DACH1: variants seen among roughly 807,000 people sequenced by gnomAD.
The protein encoded by DACH1 is dachshund family transcription factor 1.
DACH1 carries 12 observed loss-of-function variants against 54.2 expected under a neutral mutation model. That is an observed-to-expected ratio of 0.22 (90% confidence interval 0.14 to 0.36). DACH1 has a LOEUF of 0.36. Ranked by LOEUF, DACH1 falls within the 10% of genes least tolerant of loss-of-function variation. The pLI is 1.00. For synonymous variants in DACH1, 386 were observed against 366.2 expected, an observed-to-expected ratio of 1.05 and a Z score of -0.62; for missense variants, 805 against 929.8, an observed-to-expected ratio of 0.87 and a Z score of 1.75.
At chr13:71,763,169 G>T (rs1885475146) in intron 1 of DACH1, among the ~76,000 whole-genome samples, 1 of 152,122 alleles carries the variant, frequency 6.6e-6, no homozygotes, top group Non-Finnish European at 1.5e-5. Context: ...GATTCCTTAT[G>T]ACTGCTTTAT....
At chr13:71,706,917 G>A (rs777449864) in intron 1 of DACH1, among the ~76,000 whole-genome samples, 5 of 151,996 alleles carry the variant, frequency 3.3e-5, no homozygotes, top group Admixed American at 6.6e-5. Flanking sequence ...TTTAAAGACC[G>A]TATTGATAAA....
chr13:71,666,728 T>C (rs1879862573), intron 2 of DACH1, among the ~76,000 whole-genome samples: 2 of 152,154 alleles, frequency 1.3e-5, no homozygotes. Flanking sequence ...ACGCCTGTAA[T>C]CCCAGCACTT....
intron 4 of DACH1, among the ~76,000 whole-genome samples, chr13:71,561,618 A>G (rs1164051268): frequency 6.6e-6 from 1 of 152,092 alleles, no homozygotes; most frequent in African/African-American, 2.4e-5. Flanking sequence ...TCCAATAATG[A>G]GAGACAATAA....
At chr13:71,464,521 C>A (rs915052) in intron 10 of DACH1, 381,108 of 397,876 alleles carry the variant, frequency 0.96, 184,539 homozygotes, top group Non-Finnish European at 1. Context: ...ATTTCATTAG[C>A]TCTTAAATAA....
At chr13:71,472,164 C>T (rs566065603) in intron 10 of DACH1, among the ~76,000 whole-genome samples, 61 of 152,240 alleles carry the variant, frequency 4.0e-4, no homozygotes, top group Non-Finnish European at 7.5e-4. Flanking sequence ...CTGTTCTGTA[C>T]TTATAGCATT....
chr13:71,488,992 C>T lies in DACH1; in HGVS notation c.1722+5G>A. On this transcript the variant is annotated splice_donor_5th_base_variant and intron_variant, in intron 7 of 10. Coordinates refer to ENST00000613252, the MANE Select transcript of DACH1 (RefSeq NM_080759.6). ...GTCTTTCTTCCAGGTTGTAAAAAGG[C>T]CTACCTGTATGTTAGTCAGAAGAGT... The T allele has an allele frequency of 6.2e-7, 1 of 1,610,502 alleles. No individual in the cohort carries two copies. The highest frequency in any genetic ancestry group is 1.1e-5 in the South Asian group (1 of 90,504).
At chr13:71,747,269 G>GA (rs1047445717) in intron 1 of DACH1, among the ~76,000 whole-genome samples, 5 of 151,706 alleles carry the variant, frequency 3.3e-5, no homozygotes, top group African/African-American at 1.2e-4. Context: ...GAATTAATAA[G>GA]AAAAAATAAT....
At chr13:71,845,939 AGCCTATGGG>A in intron 1 of DACH1, 1 of 163,972 alleles carries the variant, frequency 6.1e-6, no homozygotes, top group Non-Finnish European at 1.4e-5. Context: ...GCCGTCTTGG[AGCCTATGGG>A]GCCTGCTGGG....
At chr13:71,522,558 C>G (rs1483888282) in intron 6 of DACH1, among the ~76,000 whole-genome samples, 1 of 152,022 alleles carries the variant, frequency 6.6e-6, no homozygotes, top group Non-Finnish European at 1.5e-5. Flanking sequence ...GAGGGAGGAT[C>G]ACTTCCAGTG....
intron 2 of DACH1, among the ~76,000 whole-genome samples, chr13:71,632,456 T>C (rs1336718136): frequency 6.6e-6 from 1 of 151,704 alleles, no homozygotes; most frequent in Non-Finnish European, 1.5e-5. Context: ...TCTTTAGTAT[T>C]TTTGACTACA....
At position 71,775,127 on chromosome 13, in the gene DACH1, CTTTTTTTTTTTTTTTTT is replaced by C. The variant is rs767902341; in HGVS notation, c.848+90778_848+90794del. Among the ~76,000 whole-genome samples the C allele has an allele frequency of 3.0e-3, 161 of 54,032 alleles. 2 individuals are homozygous for C. The highest frequency in any genetic ancestry group is 0.012 in the African/African-American group (150 of 12,958). The allele number at this position is 54,032 out of a possible 152,430, so 35.4% of individuals were successfully genotyped here. A position where few individuals can be genotyped will look rare whatever the true frequency, so the allele number is the denominator to read the frequency against. On this transcript the variant is annotated intron_variant, in intron 1 of 10. Transcript: ENST00000613252. ...GAGCAAGACTCCATCTCAACACAAGCTTTTTTTTTTTTTTTTTTTTTTTTTTTTTTTAAATTAGCTAG... is the reference window on the plus strand; with the variant it reads ...GAGCAAGACTCCATCTCAACACAAGCTTTTTTTTTTTTTTAAATTAGCTAG...
chr13:71,737,584 CTTATT>C (rs2137936485), intron 1 of DACH1, among the ~76,000 whole-genome samples: 1 of 152,288 alleles, frequency 6.6e-6, no homozygotes, highest in Non-Finnish European at 1.5e-5. Flanking sequence ...GTTAGATTGA[CTTATT>C]TTATAATCAA....
In DACH1 at chr13:71,636,931, T is replaced by A. The variant is rs140944710; in HGVS notation, c.965-6214A>T. Among the ~76,000 whole-genome samples the A allele has an allele frequency of 5.4e-3, 819 of 152,276 alleles. 6 individuals are homozygous for A. Among genetic ancestry groups the A allele is most frequent in the African/African-American group, 0.017 (714 of 41,554 alleles). ...TTCAGAGTAAATTATAGATTTTTTTTAAAAATGGGCTATTGTTAAAAATTT... is the reference window on the plus strand; with the variant it reads ...TTCAGAGTAAATTATAGATTTTTTTAAAAAATGGGCTATTGTTAAAAATTT... On this transcript the variant is annotated intron_variant, in intron 2 of 10. Transcript: ENST00000613252.
intron 6 of DACH1, among the ~76,000 whole-genome samples, chr13:71,494,447 G>A (rs1879244227): frequency 6.6e-6 from 1 of 152,028 alleles, no homozygotes; most frequent in African/African-American, 2.4e-5. Flanking sequence ...TAAGTTTCGT[G>A]TTAGATGAAG....
intron 1 of DACH1, among the ~76,000 whole-genome samples, chr13:71,694,150 C>T (rs1881687464): frequency 6.6e-6 from 1 of 152,072 alleles, no homozygotes; most frequent in African/African-American, 2.4e-5. Context: ...TTGTATGCCA[C>T]CTCTGGAGAA....
intron 2 of DACH1, among the ~76,000 whole-genome samples, chr13:71,656,324 C>A (rs1879086393): frequency 3.3e-5 from 5 of 152,086 alleles, no homozygotes. Context: ...GATCAAGTAA[C>A]TCTCAGCTTC....
chr13:71,663,132 T>C (rs940671112), intron 2 of DACH1, among the ~76,000 whole-genome samples: 1 of 151,760 alleles, frequency 6.6e-6, no homozygotes, highest in Non-Finnish European at 1.5e-5. Flanking sequence ...TATTTGGAAA[T>C]AAAGGGTGTG....
chr13:71,547,678 C>CA (rs1207189070), intron 6 of DACH1, among the ~76,000 whole-genome samples: 7 of 152,028 alleles, frequency 4.6e-5, no homozygotes, highest in African/African-American at 1.7e-4. Flanking sequence ...AGCAGGTGGG[C>CA]AATATCTCCT....
chr13:71,553,540 A>G (rs1884035945), intron 6 of DACH1, among the ~76,000 whole-genome samples: 1 of 144,586 alleles, frequency 6.9e-6, no homozygotes, highest in South Asian at 2.1e-4. Flanking sequence ...CAAGCCTAAA[A>G]CTTTTGTTTT....
Sources: allele counts gnomAD v4.1 joint callset (sites outside exome capture counted in the v4.1 genomes callset), GRCh38; gene constraint gnomAD v4.1.1; transcripts MANE v1.5; gene names NCBI Gene and HGNC (gene_info 2026-07-23, HGNC 2026-07-21).